Variants in BMPR2 observed in about 807,000 individuals in gnomAD.
The protein encoded by BMPR2 is bone morphogenetic protein receptor type 2.
BMPR2 carries 29 observed loss-of-function variants against 100.8 expected under a neutral mutation model. That is an observed-to-expected ratio of 0.29 (90% CI 0.21 to 0.39). The LOEUF is 0.39. BMPR2 is among the 10% of genes least tolerant of loss of function. BMPR2 has a pLI of 1.00. For missense variants in BMPR2, 1,011 were observed against 1,274.5 expected, an observed-to-expected ratio of 0.79 and a Z score of 3.15; for synonymous variants, 382 against 442.3, an observed-to-expected ratio of 0.86 and a Z score of 1.71.
chr2:202,451,927 T>C (rs1185427035), intron 1 of BMPR2, among the ~76,000 whole-genome samples: 3 of 152,040 alleles, frequency 2.0e-5, no homozygotes, highest in Admixed American at 1.3e-4. Context: ...ATTTTTTGTG[T>C]GTTTTTAGTA....
At chr2:202,504,389 C>G (rs1687475237) in intron 3 of BMPR2, among the ~76,000 whole-genome samples, 1 of 151,948 alleles carries the variant, frequency 6.6e-6, no homozygotes, top group Non-Finnish European at 1.5e-5. Flanking sequence ...ATGAACAACT[C>G]CAGACACGCC....
chr2:202,435,851 G>A (rs1385729621), intron 1 of BMPR2, among the ~76,000 whole-genome samples: 1 of 150,408 alleles, frequency 6.6e-6, no homozygotes, highest in Admixed American at 6.6e-5. Flanking sequence ...GAAGTAATAG[G>A]CTATATCATA....
chr2:202,430,198 A>C (rs2105930552), intron 1 of BMPR2, among the ~76,000 whole-genome samples: 1 of 152,232 alleles, frequency 6.6e-6, no homozygotes, highest in African/African-American at 2.4e-5. Context: ...CATTTAACCT[A>C]AATTAGTACC....
chr2:202,539,557 C>G (rs556122890), intron 9 of BMPR2, among the ~76,000 whole-genome samples: 1 of 152,072 alleles, frequency 6.6e-6, no homozygotes, highest in East Asian at 1.9e-4. Flanking sequence ...TGATATACCT[C>G]AAAATGCAGT....
Position 202,567,042 on chromosome 2 carries a change from TAAGC to T in BMPR2, c.*7099_*7102del, listed in dbSNP as rs1688774027. On this transcript the variant is annotated 3_prime_UTR_variant, in exon 13 of 13. Transcript: ENST00000374580. ...CTTTTTCTGGCCACATTTATTTATTTAAGCAATTTTTGTATGCCTTGTTATTTCA... is the reference window on the plus strand; with the variant it reads ...CTTTTTCTGGCCACATTTATTTATTTAATTTTTGTATGCCTTGTTATTTCA... The T allele has an allele frequency of 6.6e-6, 1 of 152,258 alleles. No individual in the cohort carries two copies. The highest frequency in any genetic ancestry group is 1.9e-4 in the East Asian group (1 of 5,208). The allele number at this position is 152,258 out of a possible 1,614,324, so 9.4% of individuals were successfully genotyped here.
intron 1 of BMPR2, among the ~76,000 whole-genome samples, chr2:202,448,132 A>G (rs1017476951): frequency 1.4e-5 from 2 of 147,634 alleles, no homozygotes; most frequent in African/African-American, 2.6e-5. Context: ...ACACCTAATA[A>G]TAAGTATTTG....
intron 3 of BMPR2, chr2:202,505,340 G>GC (rs1215080808): frequency 7.3e-6 from 1 of 136,292 alleles, no homozygotes; most frequent in African/African-American, 2.9e-5. Context: ...CTTAGGAGCA[G>GC]CTTTTTTTTT....
intron 9 of BMPR2, among the ~76,000 whole-genome samples, chr2:202,535,434 C>T (rs1688132585): frequency 6.6e-6 from 1 of 151,392 alleles, no homozygotes; most frequent in South Asian, 2.1e-4. Flanking sequence ...AGGCGCTCCT[C>T]ACATCCCAGA....
At position 202,531,861 on chromosome 2, in the gene BMPR2, T is replaced by C. The variant is rs554350849; in HGVS notation, c.1129-724T>C. ...TAGGGTGGTCTTGAAGTCCTGACCTTAGGTGATCCACCCACCTTGGCCTCC... is the reference window on the plus strand; with the variant it reads ...TAGGGTGGTCTTGAAGTCCTGACCTCAGGTGATCCACCCACCTTGGCCTCC... On this transcript the variant is annotated intron_variant, in intron 8 of 12. Transcript: ENST00000374580. 1.5e-4 allele frequency among the ~76,000 whole-genome samples: 23 copies of C among 151,264 alleles called. No homozygotes were observed. In the South Asian group the frequency reaches 4.6e-3, roughly 30 times the overall value.
intron 3 of BMPR2, among the ~76,000 whole-genome samples, chr2:202,482,612 C>T (rs530279402): frequency 1.1e-4 from 16 of 151,260 alleles, no homozygotes; most frequent in Middle Eastern, 3.4e-3. Flanking sequence ...GATCTCGGCT[C>T]ACTGCAACCT....
At chr2:202,482,641 C>T (rs953882258) in intron 3 of BMPR2, among the ~76,000 whole-genome samples, 3 of 150,842 alleles carry the variant, frequency 2.0e-5, no homozygotes, top group Admixed American at 6.6e-5. Context: ...CAGGTTCAAG[C>T]GATTCTCCTG....
intron 1 of BMPR2, among the ~76,000 whole-genome samples, chr2:202,400,784 A>C (rs1690755918): frequency 6.6e-6 from 1 of 152,154 alleles, no homozygotes; most frequent in African/African-American, 2.4e-5. Context: ...AAATACACTT[A>C]ATTTTTAATT....
At position 202,376,542 on chromosome 2, in the gene BMPR2, GGCGGCA is replaced by G. The variant is rs1553583997; in HGVS notation, c.-930_-925del. 7.2e-4 allele frequency among the ~76,000 whole-genome samples: 102 copies of G among 141,520 alleles called. 1 individual carries two copies. Among genetic ancestry groups the G allele is most frequent in the African/African-American group, 2.4e-3 (94 of 38,444 alleles). The allele number at this position is 141,520 out of a possible 152,430, so 92.8% of individuals were successfully genotyped here. A position where few individuals can be genotyped will look rare whatever the true frequency, so the allele number is the denominator to read the frequency against. Reference sequence around the variant, plus strand: ...CGGCGGCGGCGGCGGCGGCGGCGGCGGCGGCAGCAGCAGCGGCTTCCTCGGGGGGTT... The same window carrying G: ...CGGCGGCGGCGGCGGCGGCGGCGGCGGCAGCAGCGGCTTCCTCGGGGGGTT... On this transcript the variant is annotated 5_prime_UTR_variant, in exon 1 of 13. Coordinates refer to ENST00000374580, the MANE Select transcript of BMPR2 (RefSeq NM_001204.7).
chr2:202,462,717 GT>G (rs1005014294), intron 1 of BMPR2, among the ~76,000 whole-genome samples: 5 of 146,574 alleles, frequency 3.4e-5, no homozygotes, highest in Non-Finnish European at 6.0e-5. Flanking sequence ...TGTTGTTGTT[GT>G]TTTTGTTTTT....
At chr2:202,491,956 C>T (rs1013880014) in intron 3 of BMPR2, among the ~76,000 whole-genome samples, 1 of 152,204 alleles carries the variant, frequency 6.6e-6, no homozygotes, top group African/African-American at 2.4e-5. Context: ...AAAGTAGCTA[C>T]ATTTGTTACA....
intron 3 of BMPR2, among the ~76,000 whole-genome samples, chr2:202,482,573 G>A (rs1692681555): frequency 6.9e-6 from 1 of 145,040 alleles, no homozygotes; most frequent in South Asian, 2.2e-4. Flanking sequence ...GAGTCTCACT[G>A]TGTCGCCCAG....
chr2:202,438,149 A>T (rs1691654203), intron 1 of BMPR2, among the ~76,000 whole-genome samples: 1 of 149,724 alleles, frequency 6.7e-6, no homozygotes, highest in South Asian at 2.1e-4. Context: ...CCCTGCCTCT[A>T]CTAAAAATAC....
At chr2:202,390,542 G>T (rs532529288) in intron 1 of BMPR2, among the ~76,000 whole-genome samples, 19 of 152,060 alleles carry the variant, frequency 1.2e-4, no homozygotes, top group African/African-American at 4.6e-4. Flanking sequence ...ATGTTGGCTG[G>T]GCTGGTCTCG....
intron 9 of BMPR2, among the ~76,000 whole-genome samples, chr2:202,535,608 G>C (rs1160100785): frequency 6.6e-6 from 1 of 151,464 alleles, no homozygotes; most frequent in African/African-American, 2.4e-5. Flanking sequence ...AGACTGGGCA[G>C]CCGGGCAGAG....
Sources: gnomAD v4.1 joint callset for allele counts (sites outside exome capture counted in the v4.1 genomes callset) on GRCh38, gnomAD v4.1.1 for gene constraint, MANE v1.5 for transcripts, NCBI Gene and HGNC (gene_info 2026-07-23, HGNC 2026-07-21) for gene names.